MMS22L: variants seen among roughly 807,000 people sequenced by gnomAD.
MMS22L encodes the protein MMS22 like, DNA repair protein, also known as protein MMS22-like.
A neutral mutation model predicts 159.1 loss-of-function variants in MMS22L; 74 were observed. The observed-to-expected ratio is 0.47, with a 90% CI of 0.39 to 0.56. The LOEUF is 0.56. Among genes scored for constraint, MMS22L ranks in the 20% least tolerant of loss-of-function variants. MMS22L has a pLI of 0.00. For synonymous variants in MMS22L, 517 were observed against 506.9 expected (o/e 1.02, Z -0.27); for missense variants, 1,351 against 1,422.1 (o/e 0.95, Z 0.80).
chr6:97,283,240 C>A (rs944866886), upstream of MMS22L: 4 of 152,290 alleles, frequency 2.6e-5, no homozygotes, highest in Admixed American at 2.6e-4. Flanking sequence ...GCAGCCCTCC[C>A]CCGGCTACCA....
At chr6:97,219,774 G>A (rs1809424582) in intron 14 of MMS22L, among the ~76,000 whole-genome samples, 1 of 152,154 alleles carries the variant, frequency 6.6e-6, no homozygotes, top group Non-Finnish European at 1.5e-5. Context: ...TCCTTAAGAA[G>A]CAAAGGCAAA....
chr6:97,231,024 A>G (rs1276759755), intron 13 of MMS22L: 35 of 167,186 alleles, frequency 2.1e-4, no homozygotes, highest in Admixed American at 2.0e-3. Flanking sequence ...TTGAACAAGC[A>G]AAACTCTCAA....
rs537061098 is a variant in MMS22L at position 97,149,985 on chromosome 6, T to C, written c.3518A>G (p.Tyr1173Cys). The C allele has an allele frequency of 6.2e-6, 10 of 1,613,596 alleles. No individual in the cohort carries two copies. In the Admixed American group the frequency reaches 1.3e-4, roughly 22 times the overall value. The change falls in exon 24 of 25, where the codon TAC becomes TGC. Residue 1173 changes from tyrosine to cysteine, a missense_variant. Physicochemically the swap from Tyr to Cys is radical, Grantham distance 194 (BLOSUM62 -2). Transcript: ENST00000683635. ...FIQDYGMRYY[Y>C]QVYSILETVA... ...TGTTTCTAAAATGCTGTAAACCTGG[T>C]AATAGTACCTCATACCATAATCCTG...
At chr6:97,233,823 T>A (rs1318560066) in intron 12 of MMS22L, 38 bp downstream of exon 12, 1 of 1,557,356 alleles carries the variant, frequency 6.4e-7, no homozygotes, top group South Asian at 1.2e-5. Context: ...TACAAATTTT[T>A]AAAATTCCTG....
At chr6:97,197,059 C>CA (rs891264435) in intron 14 of MMS22L, among the ~76,000 whole-genome samples, 30 of 151,324 alleles carry the variant, frequency 2.0e-4, no homozygotes, top group African/African-American at 3.4e-4. Flanking sequence ...TTAACACACA[C>CA]AAAAAAAATA....
intron 14 of MMS22L, among the ~76,000 whole-genome samples, chr6:97,187,227 T>C (rs1421737820): frequency 1.3e-5 from 2 of 152,160 alleles, no homozygotes; most frequent in Admixed American, 1.3e-4. Flanking sequence ...CATTCTCACT[T>C]GGTAGGCAAT....
chr6:97,194,694 C>T (rs1006873997), intron 14 of MMS22L, among the ~76,000 whole-genome samples: 1 of 152,068 alleles, frequency 6.6e-6, no homozygotes, highest in Non-Finnish European at 1.5e-5. Context: ...CTCCTTTACT[C>T]TATAGGTATA....
intron 8 of MMS22L, chr6:97,267,167 T>C (rs1036707411): frequency 1.3e-5 from 2 of 152,150 alleles, no homozygotes; most frequent in African/African-American, 4.8e-5. Flanking sequence ...AATCCACTAA[T>C]ACACATACAC....
chr6:97,175,118 TTTTA>T (rs1244821980), intron 18 of MMS22L, among the ~76,000 whole-genome samples: 19 of 152,338 alleles, frequency 1.2e-4, no homozygotes, highest in East Asian at 5.8e-4. Context: ...TATTAGAAAA[TTTTA>T]TTTATTAATT....
intron 22 of MMS22L, 85 bp downstream of exon 22, chr6:97,161,917 G>T: frequency 7.8e-7 from 1 of 1,283,054 alleles, no homozygotes. Flanking sequence ...CATATATTTT[G>T]TAACTATCCA....
intron 22 of MMS22L, among the ~76,000 whole-genome samples, chr6:97,155,458 C>G (rs1311255520): frequency 6.6e-6 from 1 of 152,134 alleles, no homozygotes; most frequent in Non-Finnish European, 1.5e-5. Flanking sequence ...TGCTCTCCCT[C>G]CCCCAGTCCC....
At chr6:97,154,743 A>G (rs1801658105) in intron 22 of MMS22L, among the ~76,000 whole-genome samples, 1 of 152,182 alleles carries the variant, frequency 6.6e-6, no homozygotes, top group Admixed American at 6.6e-5. Context: ...CTTGTCAACA[A>G]ACAAAAAAAC....
At position 97,216,660 on chromosome 6, in the gene MMS22L, C is replaced by T. The variant is rs565219734; in HGVS notation, c.2039+12234G>A. Among the ~76,000 whole-genome samples the T allele has an allele frequency of 1.9e-4, 29 of 152,270 alleles. 1 individual carries two copies. Among genetic ancestry groups the T allele is most frequent in the Middle Eastern group, 3.4e-3 (1 of 294 alleles). ...CTGTCTTTGGTTTAAGAAACAGCACCGTGTGGTGCCATGAAAGAGCACAGT... is the reference window on the plus strand; with the variant it reads ...CTGTCTTTGGTTTAAGAAACAGCACTGTGTGGTGCCATGAAAGAGCACAGT... On this transcript the variant is annotated intron_variant, in intron 14 of 24. Coordinates refer to ENST00000683635, the MANE Select transcript of MMS22L (RefSeq NM_001350599.2).
chr6:97,161,883 A>G (rs1445378494), intron 22 of MMS22L, 119 bp downstream of exon 22: 3 of 929,658 alleles, frequency 3.2e-6, no homozygotes, highest in Non-Finnish European at 3.2e-6. Context: ...ACCATGACCC[A>G]TATCAAGAGA....
chr6:97,214,662 CATAAG>C (rs1464572307), intron 14 of MMS22L, among the ~76,000 whole-genome samples: 2 of 142,970 alleles, frequency 1.4e-5, no homozygotes, highest in Non-Finnish European at 3.0e-5. Flanking sequence ...GATCTTATAT[CATAAG>C]ATTTTACTAT....
intron 23 of MMS22L, chr6:97,151,545 A>C (rs763523427): frequency 3.8e-5 from 17 of 451,584 alleles, no homozygotes; most frequent in Non-Finnish European, 5.7e-5. Context: ...TTCCTCACTA[A>C]ATTCACAGGT....
intron 19 of MMS22L, among the ~76,000 whole-genome samples, chr6:97,171,670 C>T (rs1803560584): frequency 6.6e-6 from 1 of 152,194 alleles, no homozygotes. Context: ...GTGCCTTTCA[C>T]TAGCAGTCTT....
At chr6:97,278,946 G>C (rs573569028) in intron 3 of MMS22L, 48 bp from the exon 4 acceptor site, 1 of 1,511,130 alleles carries the variant, frequency 6.6e-7, no homozygotes, top group South Asian at 1.2e-5. Context: ...ACACTTTAAA[G>C]CATGTAACAA....
chr6:97,280,551 T>C (rs1056824360), intron 3 of MMS22L, among the ~76,000 whole-genome samples: 2 of 152,120 alleles, frequency 1.3e-5, no homozygotes, highest in Non-Finnish European at 2.9e-5. Context: ...CAGGCTGGTC[T>C]CGAACTCCCG....
Sources: gnomAD v4.1 joint callset for allele counts (sites outside exome capture counted in the v4.1 genomes callset) on GRCh38, gnomAD v4.1.1 for gene constraint, MANE v1.5 for transcripts, NCBI Gene and HGNC (gene_info 2026-07-23, HGNC 2026-07-21) for gene names.